PHACTR1: variants seen among roughly 807,000 people sequenced by gnomAD.
The protein encoded by PHACTR1 is phosphatase and actin regulator 1.
A neutral mutation model predicts 69.2 loss-of-function variants in PHACTR1; 16 were observed. The observed-to-expected ratio is 0.23, with a 90% CI of 0.16 to 0.35. The LOEUF is 0.35. Among genes scored for constraint, PHACTR1 ranks in the 10% least tolerant of loss-of-function variants. PHACTR1 has a pLI of 1.00. For synonymous variants in PHACTR1, 312 were observed against 284.5 expected (o/e 1.10, Z -0.97); for missense variants, 510 against 734.7 (o/e 0.69, Z 3.54).
At chr6:12,834,019 C>T (rs552604442) in intron 4 of PHACTR1, among the ~76,000 whole-genome samples, 27 of 152,254 alleles carry the variant, frequency 1.8e-4, no homozygotes, top group Non-Finnish European at 1.2e-4. Flanking sequence ...CTTCCTGATC[C>T]CCATCCTGAC....
intron 4 of PHACTR1, among the ~76,000 whole-genome samples, chr6:12,987,578 C>G (rs1374888032): frequency 2.6e-5 from 4 of 152,088 alleles, no homozygotes; most frequent in African/African-American, 7.2e-5. Flanking sequence ...TGGCTTTGGG[C>G]TTGATTGTGT....
chr6:13,239,637 C>T (rs1293998463), intron 10 of PHACTR1, among the ~76,000 whole-genome samples: 2 of 152,182 alleles, frequency 1.3e-5, no homozygotes, highest in Non-Finnish European at 2.9e-5. Context: ...GGCATTGAGC[C>T]ATGGGTCACA....
At chr6:13,030,308 A>G (rs1016980780) in intron 4 of PHACTR1, among the ~76,000 whole-genome samples, 9 of 152,224 alleles carry the variant, frequency 5.9e-5, no homozygotes, top group African/African-American at 2.2e-4. Flanking sequence ...GAGGATTGTT[A>G]TAAGTATAAA....
chr6:13,062,167 C>T (rs1807779510), intron 5 of PHACTR1, among the ~76,000 whole-genome samples: 2 of 152,106 alleles, frequency 1.3e-5, no homozygotes, highest in Admixed American at 1.3e-4. Context: ...TTGCTTTTGC[C>T]CTGTATTTTA....
At chr6:13,285,652 T>A (rs1781522988) in intron 13 of PHACTR1, among the ~76,000 whole-genome samples, 1 of 151,974 alleles carries the variant, frequency 6.6e-6, no homozygotes, top group South Asian at 2.1e-4. Flanking sequence ...CACTGAAGAG[T>A]CAGGGAAGTT....
chr6:12,960,148 TCA>T (rs1349478583), intron 4 of PHACTR1, among the ~76,000 whole-genome samples: 1 of 152,248 alleles, frequency 6.6e-6, no homozygotes. Flanking sequence ...TTTCTAAGGC[TCA>T]GTTTCCTCAT....
chr6:12,726,232 T>G lies in PHACTR1; in HGVS notation c.103+7385T>G, dbSNP rs184580900. On this transcript the variant is annotated intron_variant, in intron 3 of 14. Coordinates refer to ENST00000332995, the MANE Select transcript of PHACTR1 (RefSeq NM_030948.6). ...GACTTCCAGGGATCCCTGAGTAGTA[T>G]TCTTCTGAAAAGGGCTTTTTGATAT... 2.0e-5 allele frequency among the ~76,000 whole-genome samples: 3 copies of G among 152,286 alleles called. No homozygotes were observed. In the East Asian group the frequency reaches 5.8e-4, roughly 29 times the overall value.
intron 4 of PHACTR1, among the ~76,000 whole-genome samples, chr6:12,977,034 C>T (rs190894499): frequency 9.5e-4 from 145 of 152,250 alleles, no homozygotes; most frequent in Admixed American, 2.0e-3. Flanking sequence ...GGTGCAATCT[C>T]GGCTCACTGC....
intron 4 of PHACTR1, among the ~76,000 whole-genome samples, chr6:12,955,598 C>A (rs527797680): frequency 1.3e-5 from 2 of 152,166 alleles, no homozygotes; most frequent in South Asian, 2.1e-4. Flanking sequence ...ATTACTGCAT[C>A]CTCCTCCCAT....
chr6:13,195,161 T>G (rs1475669846), intron 7 of PHACTR1, among the ~76,000 whole-genome samples: 1 of 152,196 alleles, frequency 6.6e-6, no homozygotes, highest in African/African-American at 2.4e-5. Context: ...TGTTGACCTC[T>G]TTCTTGCAGC....
intron 4 of PHACTR1, among the ~76,000 whole-genome samples, chr6:12,815,167 AT>A (rs1775441870): frequency 1.3e-5 from 2 of 152,212 alleles, no homozygotes; most frequent in South Asian, 4.1e-4. Context: ...TTTGGAAAAA[AT>A]TTTAACAACC....
intron 4 of PHACTR1, among the ~76,000 whole-genome samples, chr6:12,920,360 G>A (rs757057826): frequency 7.9e-5 from 12 of 152,206 alleles, no homozygotes; most frequent in African/African-American, 1.4e-4. Context: ...ATTTCGTACC[G>A]TTAGCATTGT....
chr6:13,137,190 C>A (rs534056249), intron 5 of PHACTR1, among the ~76,000 whole-genome samples: 1 of 152,306 alleles, frequency 6.6e-6, no homozygotes, highest in African/African-American at 2.4e-5. Context: ...GTCACTAAGG[C>A]AGCTTGAGTT....
At chr6:12,769,831 G>A (rs1044543428) in intron 4 of PHACTR1, among the ~76,000 whole-genome samples, 9 of 152,216 alleles carry the variant, frequency 5.9e-5, no homozygotes, top group Non-Finnish European at 1.3e-4. Flanking sequence ...AGATAGATCT[G>A]TGTACAGGCT....
intron 4 of PHACTR1, among the ~76,000 whole-genome samples, chr6:13,035,717 C>T (rs1223612050): frequency 6.6e-6 from 1 of 152,090 alleles, no homozygotes; most frequent in Non-Finnish European, 1.5e-5. Context: ...TGTAAAGTGA[C>T]AAAATTTGCC....
At chr6:13,081,704 G>A (rs186515694) in intron 5 of PHACTR1, among the ~76,000 whole-genome samples, 9 of 152,258 alleles carry the variant, frequency 5.9e-5, no homozygotes, top group Admixed American at 2.0e-4. Flanking sequence ...ATGTGCACCT[G>A]TAATCCCAGC....
chr6:12,939,802 C>A (rs1420546176), intron 4 of PHACTR1, among the ~76,000 whole-genome samples: 2 of 152,096 alleles, frequency 1.3e-5, no homozygotes, highest in Non-Finnish European at 2.9e-5. Context: ...ACCTCCAATG[C>A]CAAACTGTTT....
At chr6:12,874,435 A>AAATG (rs1474787860) in intron 4 of PHACTR1, among the ~76,000 whole-genome samples, 1 of 152,252 alleles carries the variant, frequency 6.6e-6, no homozygotes, top group East Asian at 1.9e-4. Context: ...TTTTTAGAAC[A>AAATG]GCTGTATAAA....
intron 12 of PHACTR1, chr6:13,280,933 A>G: frequency 7.8e-7 from 1 of 1,287,530 alleles, no homozygotes; most frequent in Non-Finnish European, 1.0e-6. Context: ...GCCCATGCAC[A>G]CAGAGGAGCG....
Sources: allele counts gnomAD v4.1 joint callset (sites outside exome capture counted in the v4.1 genomes callset), GRCh38; gene constraint gnomAD v4.1.1; transcripts MANE v1.5; gene names NCBI Gene and HGNC (gene_info 2026-07-23, HGNC 2026-07-21).